ITGAE: variants seen among roughly 807,000 people sequenced by gnomAD.
The protein encoded by ITGAE is integrin subunit alpha E, also known as integrin alpha-E.
A neutral mutation model predicts 136.5 loss-of-function variants in ITGAE; 99 were observed. The observed-to-expected ratio is 0.73, with a 90% CI of 0.62 to 0.86. The LOEUF (loss-of-function observed/expected upper bound fraction) is 0.86, where lower values mean the gene tolerates loss of function less well. ITGAE is among the 40% of genes least tolerant of loss of function. The probability of loss-of-function intolerance (pLI) is 0.00; values close to 1 mark genes in which losing one functional copy is unlikely to be tolerated. For missense variants in ITGAE, 1,447 were observed against 1,515.3 expected, an observed-to-expected ratio of 0.95 and a Z score of 0.75; for synonymous variants, 613 against 591.8, an observed-to-expected ratio of 1.04 and a Z score of -0.52.
At position 3,720,328 on chromosome 17, in the gene ITGAE, A is replaced by G. The variant is rs144577029; in HGVS notation, c.3312T>C (p.Asn1104=). Reference sequence around the variant, plus strand: ...TTACCTTAGTTCTGTGGTTCTCTGCATTCAGTCCCTCATATAGAGATTTGT... The same window carrying G: ...TTACCTTAGTTCTGTGGTTCTCTGCGTTCAGTCCCTCATATAGAGATTTGT... ...SFNKSLYEGL[N]AENHRTKITV... The change falls in exon 29 of 31, where the codon AAT becomes AAC. Residue 1104 remains asparagine, a synonymous_variant. Coordinates refer to ENST00000263087, the MANE Select transcript of ITGAE (RefSeq NM_002208.5). 4.4e-6 allele frequency: 7 copies of G among 1,582,192 alleles called. No individual in the cohort carries two copies. The African/African-American group carries it at 5.4e-5, about 12-fold the overall frequency.
At position 3,777,791 on chromosome 17, in the gene ITGAE, TGA is replaced by T. The variant is rs995399676; in HGVS notation, c.35-133_35-132del. 8 of 1,093,200 alleles carry T rather than the reference TGA, an allele frequency of 7.3e-6. No individual in the cohort carries two copies. In the African/African-American group the frequency reaches 7.9e-5, roughly 11 times the overall value. 67.7% of individuals were successfully genotyped at this position (1,093,200 alleles called of 1,614,324 possible). A position where few individuals can be genotyped will look rare whatever the true frequency, so the allele number is the denominator to read the frequency against. On this transcript the variant is annotated intron_variant, in intron 1 of 30. Transcript: ENST00000263087. ...CTGCCCAGGGATCTTTATGTGTGTG[TGA>T]GAGAGAAAGACTAGACGCAGGTGTA...
chr17:3,760,392 G>T (rs2054955780), intron 6 of ITGAE, 105 bp from the exon 7 acceptor site: 22 of 250,974 alleles, frequency 8.8e-5, no homozygotes, highest in East Asian at 4.6e-4. Flanking sequence ...AACCAGCTCA[G>T]TTCAGGGAAG....
At position 3,732,486 on chromosome 17, in the gene ITGAE, C is replaced by A. The variant is rs1214311213; in HGVS notation, c.2656-20G>T. ...GGGAGGCTGTTAAAAGAGCAGATGA[C>A]ATTCTCTTAAAGAGCCAAACAAAAC... On this transcript the variant is annotated intron_variant, in intron 21 of 30. Transcript: ENST00000263087. The A allele has an allele frequency of 6.3e-7, 1 of 1,595,360 alleles. No homozygotes were observed. The highest frequency in any genetic ancestry group is 8.6e-7 in the Non-Finnish European group (1 of 1,163,078).
At position 3,737,672 on chromosome 17, in the gene ITGAE, C is replaced by G. The variant is rs1240181325; in HGVS notation, c.2522+2133G>C. On this transcript the variant is annotated intron_variant, in intron 20 of 30. Coordinates refer to ENST00000263087, the MANE Select transcript of ITGAE (RefSeq NM_002208.5). ...TTAACAGCGTTGCCTAATCTGAGGCCTAGGGACCGTCTCAGAGGGCCCGGA... is the reference window on the plus strand; with the variant it reads ...TTAACAGCGTTGCCTAATCTGAGGCGTAGGGACCGTCTCAGAGGGCCCGGA... Among the ~76,000 whole-genome samples, 3 of 152,162 alleles carry G rather than the reference C, an allele frequency of 2.0e-5. No homozygotes were observed. The East Asian group carries it at 5.8e-4, about 29-fold the overall frequency.
At chr17:3,724,896 G>A (rs769408949) in intron 26 of ITGAE, 3 of 1,613,546 alleles carry the variant, frequency 1.9e-6, no homozygotes, top group South Asian at 1.1e-5. Context: ...TGTTCCCAAG[G>A]GCCGCATTGT....
At chr17:3,795,054 C>T (rs2053032382) in intron 1 of ITGAE, among the ~76,000 whole-genome samples, 1 of 152,178 alleles carries the variant, frequency 6.6e-6, no homozygotes, top group Admixed American at 6.5e-5. Flanking sequence ...CTTTTGTGGC[C>T]CTGCTCAGCC....
intron 2 of ITGAE, among the ~76,000 whole-genome samples, chr17:3,768,554 T>G (rs1450003752): frequency 2.0e-5 from 3 of 152,172 alleles, no homozygotes; most frequent in Non-Finnish European, 4.4e-5. Context: ...CGCTGTTCCC[T>G]CCACGGCACT....
intron 26 of ITGAE, chr17:3,725,694 G>C: frequency 6.3e-7 from 1 of 1,577,680 alleles, no homozygotes; most frequent in Non-Finnish European, 8.6e-7. Flanking sequence ...CAAAGGCTCT[G>C]CAAATGACCG....
At chr17:3,731,372 C>T (rs544035595) in intron 22 of ITGAE, among the ~76,000 whole-genome samples, 189 bp from the exon 23 acceptor site, 6 of 146,390 alleles carry the variant, frequency 4.1e-5, no homozygotes, top group Admixed American at 2.1e-4. Flanking sequence ...GAGGGAGTCT[C>T]GCTCTGTCAC....
At chr17:3,716,170 C>CA (rs67665157) in intron 30 of ITGAE, among the ~76,000 whole-genome samples, 25 of 137,090 alleles carry the variant, frequency 1.8e-4, no homozygotes, top group Admixed American at 5.3e-4. Context: ...AACTCCGTCT[C>CA]AAAAAAAAAA....
rs528530162 is a variant in ITGAE at position 3,720,673 on chromosome 17, G to T, written c.3238-271C>A. 1.6e-5 allele frequency: 4 copies of T among 254,124 alleles called. No homozygotes were observed. In the South Asian group the frequency reaches 1.9e-4, roughly 12 times the overall value. 15.7% of individuals were successfully genotyped at this position (254,124 alleles called of 1,614,324 possible). On this transcript the variant is annotated intron_variant, in intron 28 of 30. Transcript: ENST00000263087. ...CTCGGCTCACTGCAACCTCCACCCC[G>T]TCAGGTTCAAGCGATTCTCCTGCCT...
chr17:3,745,072 T>C (rs1382000154), intron 18 of ITGAE, among the ~76,000 whole-genome samples: 1 of 152,204 alleles, frequency 6.6e-6, no homozygotes, highest in Non-Finnish European at 1.5e-5. Flanking sequence ...CTGTCAGGGT[T>C]TGAGTCCCGA....
intron 1 of ITGAE, among the ~76,000 whole-genome samples, chr17:3,788,702 T>TAATTATTAA (rs2052858461): frequency 3.0e-5 from 2 of 66,474 alleles, no homozygotes; most frequent in Non-Finnish European, 5.8e-5. Context: ...ACATTAAAAA[T>TAATTATTAA]AATAATTATT....
At chr17:3,738,030 G>A (rs1482323060) in intron 20 of ITGAE, among the ~76,000 whole-genome samples, 1 of 152,146 alleles carries the variant, frequency 6.6e-6, no homozygotes, top group African/African-American at 2.4e-5. Flanking sequence ...AATTGGTCCT[G>A]CAAATGTCTA....
intron 1 of ITGAE, among the ~76,000 whole-genome samples, chr17:3,795,507 T>C (rs2053044070): frequency 6.6e-6 from 1 of 152,230 alleles, no homozygotes; most frequent in Admixed American, 6.5e-5. Context: ...GTGTGGTTTG[T>C]GCATGGCCCG....
intron 1 of ITGAE, among the ~76,000 whole-genome samples, chr17:3,786,057 C>T (rs1256919402): frequency 3.3e-5 from 5 of 151,156 alleles, no homozygotes; most frequent in African/African-American, 4.9e-5. Flanking sequence ...GTCCCAGCTA[C>T]TCGGGAGGCT....
chr17:3,765,205 C>T (rs1310783262), intron 2 of ITGAE, among the ~76,000 whole-genome samples: 3 of 151,594 alleles, frequency 2.0e-5, no homozygotes, highest in Non-Finnish European at 4.4e-5. Flanking sequence ...AAAAATTAGC[C>T]GGGCGTGGTG....
rs969400539 is a variant in ITGAE, at chr17:3,784,030, G to A, written c.35-6370C>T. 2.6e-5 allele frequency among the ~76,000 whole-genome samples: 4 copies of A among 152,196 alleles called. No individual in the cohort carries two copies. In the South Asian group the frequency reaches 6.2e-4, roughly 24 times the overall value. Reference sequence around the variant, plus strand: ...AATCCCAGCACTTTGGGAGGCCGAGGCGGGCGGATCACGAGGTCAGGAGAT... The same window carrying A: ...AATCCCAGCACTTTGGGAGGCCGAGACGGGCGGATCACGAGGTCAGGAGAT... On this transcript the variant is annotated intron_variant, in intron 1 of 30. Transcript: ENST00000263087.
chr17:3,770,703 C>A (rs2052400495), intron 2 of ITGAE, among the ~76,000 whole-genome samples: 1 of 152,218 alleles, frequency 6.6e-6, no homozygotes, highest in Admixed American at 6.5e-5. Context: ...CATCCTCCTC[C>A]CCAGCGTGTT....
Sources: allele counts gnomAD v4.1 joint callset (sites outside exome capture counted in the v4.1 genomes callset), GRCh38; gene constraint gnomAD v4.1.1; transcripts MANE v1.5; gene names NCBI Gene and HGNC (gene_info 2026-07-23, HGNC 2026-07-21).